The following DNAJC17 variants were observed in gnomAD, a reference collection of about 807,000 sequenced individuals.
DNAJC17 encodes dnaJ homolog subfamily C member 17.
DNAJC17 carries 35 observed loss-of-function variants against 48.1 expected under a neutral mutation model. That is an observed-to-expected ratio of 0.73 (90% CI 0.56 to 0.96). DNAJC17 has a LOEUF of 0.96. DNAJC17 is among the 50% of genes least tolerant of loss of function. The pLI is 0.00. For synonymous variants in DNAJC17, 117 were observed against 142.7 expected, an observed-to-expected ratio of 0.82 and a Z score of 1.28; for missense variants, 355 against 377.1, an observed-to-expected ratio of 0.94 and a Z score of 0.48.
In DNAJC17 at chr15:40,774,448, A is replaced by G. The variant is rs759727236; in HGVS notation, c.601-12T>C. The G allele has an allele frequency of 1.9e-6, 3 of 1,613,768 alleles. No homozygotes were observed. Among genetic ancestry groups the G allele is most frequent in the South Asian group, 2.2e-5 (2 of 91,074 alleles). On this transcript the variant is annotated splice_polypyrimidine_tract_variant and intron_variant, in intron 8 of 10. Coordinates refer to ENST00000220496, the MANE Select transcript of DNAJC17 (RefSeq NM_018163.3). ...AGAACCTCACCATACTGTGGGGACAAAGGGGTCCTAATAAGCATGACTTGG... is the reference window on the plus strand; with the variant it reads ...AGAACCTCACCATACTGTGGGGACAGAGGGGTCCTAATAAGCATGACTTGG...
intron 1 of DNAJC17, among the ~76,000 whole-genome samples, chr15:40,795,768 A>G (rs1241540166): frequency 6.6e-6 from 1 of 152,076 alleles, no homozygotes; most frequent in Admixed American, 6.6e-5. Flanking sequence ...GGTGGTGGGC[A>G]CCTGTAGTCC....
chr15:40,780,014 G>T lies in DNAJC17; in HGVS notation c.79-17C>A. 1 of 1,612,936 alleles carries T rather than the reference G, an allele frequency of 6.2e-7. No individual in the cohort carries two copies. The highest frequency in any genetic ancestry group is 1.1e-5 in the South Asian group (1 of 90,880). On this transcript the variant is annotated splice_polypyrimidine_tract_variant and intron_variant, in intron 1 of 10. Transcript: ENST00000220496. ...CTTCTTTACCTGGAAGAGTCAGACAGAAGACATGGCCATTCACTCTCATCC... is the reference window on the plus strand; with the variant it reads ...CTTCTTTACCTGGAAGAGTCAGACATAAGACATGGCCATTCACTCTCATCC...
rs961182095 is a variant in DNAJC17 at position 40,767,755 on chromosome 15, T to C, written c.*185A>G. 7 of 792,910 alleles carry C rather than the reference T, an allele frequency of 8.8e-6. No individual in the cohort carries two copies. The Admixed American group carries it at 1.9e-4, about 21-fold the overall frequency. The allele number at this position is 792,910 out of a possible 1,614,324, so 49.1% of individuals were successfully genotyped here. On this transcript the variant is annotated 3_prime_UTR_variant, in exon 11 of 11. Coordinates refer to ENST00000220496, the MANE Select transcript of DNAJC17 (RefSeq NM_018163.3). ...TGCACGGACTCTGGGACTCTCACCC[T>C]GCGGAGCGTTTCCCTGGGGGTCTGC... is the stretch of plus-strand genomic sequence containing the variant.
intron 1 of DNAJC17, among the ~76,000 whole-genome samples, chr15:40,798,847 GC>G (rs1890002008): frequency 6.6e-6 from 1 of 152,192 alleles, no homozygotes; most frequent in African/African-American, 2.4e-5. Flanking sequence ...TTGAAGGTTT[GC>G]AAACAGCGTT....
At chr15:40,787,250 G>A (rs1386158782) in intron 1 of DNAJC17, among the ~76,000 whole-genome samples, 1 of 152,230 alleles carries the variant, frequency 6.6e-6, no homozygotes, top group Non-Finnish European at 1.5e-5. Context: ...TACTTAGGAG[G>A]CAGGGAGTTC....
intron 1 of DNAJC17, chr15:40,807,081 A>C (rs1187859236): frequency 1.5e-5 from 10 of 648,364 alleles, no homozygotes; most frequent in African/African-American, 1.5e-4. Flanking sequence ...GGCGCAGAGG[A>C]GGCTAGCGTT....
chr15:40,807,057 G>A, intron 1 of DNAJC17: 2 of 597,750 alleles, frequency 3.3e-6, no homozygotes, highest in East Asian at 2.9e-5. Context: ...GGAAACGGAG[G>A]CCGAGACTGC....
In DNAJC17 at chr15:40,775,600, G is replaced by T; in HGVS notation, c.479-4C>A. The T allele has an allele frequency of 1.2e-6, 2 of 1,613,744 alleles. No homozygotes were observed. The highest frequency in any genetic ancestry group is 8.5e-7 in the Non-Finnish European group (1 of 1,179,736). On this transcript the variant is annotated splice_region_variant and splice_polypyrimidine_tract_variant and intron_variant, in intron 6 of 10. Transcript: ENST00000220496. Reference sequence around the variant, plus strand: ...CCTTCAGTATTTTCTGCCTTTCCTAGAAATATTGGGAAAAGAAGAAAAGTA... The same window carrying T: ...CCTTCAGTATTTTCTGCCTTTCCTATAAATATTGGGAAAAGAAGAAAAGTA...
At chr15:40,796,901 G>A (rs549956692) in intron 1 of DNAJC17, among the ~76,000 whole-genome samples, 5 of 152,180 alleles carry the variant, frequency 3.3e-5, no homozygotes, top group Admixed American at 6.6e-5. Context: ...CTGGGACTAC[G>A]GGCGTGCGCC....
At chr15:40,807,017 G>C in intron 1 of DNAJC17, 1 of 536,254 alleles carries the variant, frequency 1.9e-6, no homozygotes, top group South Asian at 2.5e-5. Flanking sequence ...ACTGAAATGA[G>C]GCACCTCTTG....
chr15:40,767,886 A>G lies in DNAJC17; in HGVS notation c.*54T>C. ...AGGTAAAATCTTAAAAAAAAAAAAA[A>G]TTTATTGGTGACGTTGAAGAAAAGG... On this transcript the variant is annotated 3_prime_UTR_variant, in exon 11 of 11. Transcript: ENST00000220496. The G allele has an allele frequency of 6.3e-7, 1 of 1,581,880 alleles. No individual in the cohort carries two copies. The highest frequency in any genetic ancestry group is 8.5e-7 in the Non-Finnish European group (1 of 1,169,698).
rs537125515 is a variant in DNAJC17 at position 40,770,624 on chromosome 15, C to T, written c.793-2562G>A. On this transcript the variant is annotated intron_variant, in intron 10 of 10. Coordinates refer to ENST00000220496, the MANE Select transcript of DNAJC17 (RefSeq NM_018163.3). The surrounding 1 kb of genome is among the most constrained non-coding windows in gnomAD (Gnocchi z 5.0). ...AGGCCAGCACAGCAGGTGGGGACCA[C>T]GAGGAGTACAGCAACCGAGAAGTCA... is the stretch of plus-strand genomic sequence containing the variant. The T allele has an allele frequency of 7.5e-5, 116 of 1,550,562 alleles. 2 individuals carry two copies. The Middle Eastern group carries it at 1.0e-3, about 13-fold the overall frequency.
At chr15:40,802,280 C>G (rs1890096647) in intron 1 of DNAJC17, among the ~76,000 whole-genome samples, 1 of 151,554 alleles carries the variant, frequency 6.6e-6, no homozygotes, top group African/African-American at 2.4e-5. Context: ...AAGCGATTCT[C>G]CTGCCTCAGC....
At chr15:40,776,141 C>G (rs1462015126) in intron 6 of DNAJC17, 55 bp downstream of exon 6, 3 of 1,573,452 alleles carry the variant, frequency 1.9e-6, no homozygotes, top group Non-Finnish European at 2.6e-6. Flanking sequence ...TGTGGCCGCT[C>G]TGAGCAATCT....
rs565279470 is a variant in DNAJC17 at position 40,799,930 on chromosome 15, G to C, written c.78+7439C>G. On this transcript the variant is annotated intron_variant, in intron 1 of 10. Coordinates refer to ENST00000220496, the MANE Select transcript of DNAJC17 (RefSeq NM_018163.3). ...AGTGGCACAATCATAGCGCACTGTA[G>C]CCTGGAACTCCTGGGCTCAAGCAAT... 4.0e-4 allele frequency among the ~76,000 whole-genome samples: 61 copies of C among 151,760 alleles called. 1 individual carries two copies. The South Asian group carries it at 0.012, about 31-fold the overall frequency.
At position 40,784,165 on chromosome 15, in the gene DNAJC17, G is replaced by A. The variant is rs193041418; in HGVS notation, c.79-4168C>T. ...TGGGAGGCGGAGGTTGCAGTGAGCCGAGATTGCACCACTGCACTCCAGCCT... is the reference window on the plus strand; with the variant it reads ...TGGGAGGCGGAGGTTGCAGTGAGCCAAGATTGCACCACTGCACTCCAGCCT... On this transcript the variant is annotated intron_variant, in intron 1 of 10. Coordinates refer to ENST00000220496, the MANE Select transcript of DNAJC17 (RefSeq NM_018163.3). Among the ~76,000 whole-genome samples, 690 of 152,038 alleles carry A rather than the reference G, an allele frequency of 4.5e-3. 7 individuals carry two copies. Among genetic ancestry groups the A allele is most frequent in the African/African-American group, 0.016 (668 of 41,474 alleles).
Position 40,767,368 on chromosome 15 carries a change from C to CA in DNAJC17, c.*571dup. Reference sequence around the variant, plus strand: ...GGAGTGACCTTCTCATGCTGATTTGCAGACGGGGCACCCCTGTGGAGGGGC... The same window carrying CA: ...GGAGTGACCTTCTCATGCTGATTTGCAAGACGGGGCACCCCTGTGGAGGGGC... On this transcript the variant is annotated 3_prime_UTR_variant, in exon 11 of 11. Coordinates refer to ENST00000220496, the MANE Select transcript of DNAJC17 (RefSeq NM_018163.3). 6.3e-7 allele frequency: 1 copy of CA among 1,590,022 alleles called. No individual in the cohort carries two copies. The highest frequency in any genetic ancestry group is 8.6e-7 in the Non-Finnish European group (1 of 1,169,048).
chr15:40,783,036 A>T (rs1402923328), intron 1 of DNAJC17, among the ~76,000 whole-genome samples: 1 of 152,112 alleles, frequency 6.6e-6, no homozygotes, highest in Admixed American at 6.5e-5. Flanking sequence ...AAAGAACAAT[A>T]TTAAGGGAAA....
At position 40,766,907 on chromosome 15, in the gene DNAJC17, G is replaced by A. The variant is rs188616844; in HGVS notation, c.*1033C>T. 2.6e-4 allele frequency: 49 copies of A among 191,194 alleles called. No homozygotes were observed. The highest frequency in any genetic ancestry group is 5.3e-4 in the African/African-American group (23 of 43,168). The allele number at this position is 191,194 out of a possible 1,614,324, so 11.8% of individuals were successfully genotyped here. ...GGTGGGGAGCAAGCCCAGGGAGGGC[G>A]GCAGCAGGGCTGTGGTCAGACTAAC... On this transcript the variant is annotated 3_prime_UTR_variant, in exon 11 of 11. Transcript: ENST00000220496.
Sources: gnomAD v4.1 joint callset for allele counts (sites outside exome capture counted in the v4.1 genomes callset) on GRCh38, gnomAD v4.1.1 for gene constraint, Gnocchi (gnomAD v3.1) non-coding constraint, MANE v1.5 for transcripts, NCBI Gene and HGNC (gene_info 2026-07-23, HGNC 2026-07-21) for gene names.